HERC6: variants seen among roughly 807,000 people sequenced by gnomAD.
The protein encoded by HERC6 is probable E3 ubiquitin-protein ligase HERC6.
Under a neutral mutation model 114.5 loss-of-function variants are expected in HERC6, and 101 were observed. The observed-to-expected ratio is 0.88, with a 90% CI of 0.75 to 1.04. The LOEUF is 1.04. Among genes scored for constraint, HERC6 ranks in the 50% least tolerant of loss-of-function variants. The probability of loss-of-function intolerance (pLI) is 0.00; values close to 1 mark genes in which losing one functional copy is unlikely to be tolerated. For synonymous variants in HERC6, 408 were observed against 436.2 expected (o/e 0.94, Z 0.81); for missense variants, 1,133 against 1,230.9 (o/e 0.92, Z 1.19).
chr4:88,390,820 C>T lies in HERC6; in HGVS notation c.605C>T (p.Ser202Leu), dbSNP rs769497438. Residue 202 changes from serine (S) to leucine (L), a missense_variant, in exon 4 of 23, where the codon TCG (serine) becomes TTG (leucine). Physicochemically the swap from Ser to Leu is moderately radical, Grantham distance 145. Coordinates refer to ENST00000264346, the MANE Select transcript of HERC6 (RefSeq NM_017912.4). The stretch of plus-strand genomic sequence containing the variant: ...TTTGCCCTGTCTCTCTGTGGGACTT[C>T]GTTTGGCTGGGGAAGTAACAGTGCC... ...HSFALSLCGTSFGWGSNSAGQ... is the reference protein window; with the variant it reads ...HSFALSLCGTLFGWGSNSAGQ... 3.1e-6 allele frequency: 5 copies of T among 1,614,050 alleles called. No individual in the cohort carries two copies. The South Asian group carries it at 5.5e-5, about 18-fold the overall frequency.
chr4:88,421,592 T>G (rs1299923018), intron 13 of HERC6, among the ~76,000 whole-genome samples: 1 of 151,928 alleles, frequency 6.6e-6, no homozygotes, highest in East Asian at 1.9e-4. Context: ...GCATTACAGG[T>G]GTACACCCCA....
intron 17 of HERC6, 104 bp downstream of exon 17, chr4:88,431,409 TTTGC>T: frequency 7.8e-7 from 1 of 1,283,944 alleles, no homozygotes; most frequent in African/African-American, 1.5e-5. Flanking sequence ...CATATAGAGC[TTTGC>T]TACTCATATT....
intron 16 of HERC6, among the ~76,000 whole-genome samples, chr4:88,430,245 A>T (rs1738049005): frequency 6.6e-6 from 1 of 152,180 alleles, no homozygotes; most frequent in Non-Finnish European, 1.5e-5. Flanking sequence ...ACATGGGGGA[A>T]AACCAAGATA....
chr4:88,403,325 T>C (rs1357665782), intron 8 of HERC6, among the ~76,000 whole-genome samples: 1 of 152,170 alleles, frequency 6.6e-6, no homozygotes, highest in Non-Finnish European at 1.5e-5. Flanking sequence ...ACCAGGTGAT[T>C]TGGATGCACA....
intron 15 of HERC6, 79 bp downstream of exon 15, chr4:88,424,781 C>A: frequency 2.5e-6 from 2 of 788,264 alleles, no homozygotes; most frequent in Non-Finnish European, 4.0e-6. Flanking sequence ...AATCCCATCA[C>A]CAAGATTCAG....
intron 7 of HERC6, among the ~76,000 whole-genome samples, 154 bp downstream of exon 7, chr4:88,397,141 T>C (rs1223914560): frequency 6.6e-6 from 1 of 151,998 alleles, no homozygotes. Flanking sequence ...AGATGGAGTT[T>C]CGCTCTTGTT....
At chr4:88,393,435 A>G (rs375751543) in intron 4 of HERC6, 53 bp from the exon 5 acceptor site, 52 of 1,004,100 alleles carry the variant, frequency 5.2e-5, no homozygotes, top group Middle Eastern at 2.1e-4. Flanking sequence ...GTAAATAGTC[A>G]TGAAATCTGA....
At chr4:88,418,011 G>T (rs562453423) in intron 13 of HERC6, among the ~76,000 whole-genome samples, 81 of 151,140 alleles carry the variant, frequency 5.4e-4, no homozygotes, top group Middle Eastern at 3.4e-3. Context: ...CAACAACATG[G>T]ATGAATCTCA....
rs1739159832 is a variant in HERC6 at position 88,439,857 on chromosome 4, T to C, written c.2556-17T>C. On this transcript the variant is annotated splice_polypyrimidine_tract_variant and intron_variant, in intron 20 of 22. Transcript: ENST00000264346. ...TCCTTCCTTTCTTTTTTTTTTTTTT[T>C]TTTTGCTTCCCTCAAGGAGAGACTA... 17 of 1,339,868 alleles carry C rather than the reference T, an allele frequency of 1.3e-5. No homozygotes were observed. Among genetic ancestry groups the C allele is most frequent in the Non-Finnish European group, 1.4e-5 (15 of 1,041,894 alleles). The allele number at this position is 1,339,868 out of a possible 1,614,324, so 83.0% of individuals were successfully genotyped here.
At position 88,379,068 on chromosome 4, in the gene HERC6, C is replaced by G. The variant is rs1338952935; in HGVS notation, c.147C>G (p.Asp49Glu). The G allele has an allele frequency of 1.3e-6, 2 of 1,553,308 alleles. No homozygotes were observed. Among genetic ancestry groups the G allele is most frequent in the African/African-American group, 2.7e-5 (2 of 73,246 alleles). The change falls in exon 1 of 23, where the codon GAC becomes GAG. Residue 49 changes from aspartate (D) to glutamate (E), a missense_variant. Physicochemically the swap from Asp to Glu is conservative, Grantham distance 45 (BLOSUM62 2). This residue lies in a region of HERC6 where 735 missense variants were observed against 754.0 expected (regional missense o/e 0.97). Transcript: ENST00000264346. ...ACCACAGGGTCCTCTCGTGCGGAGA[C>G]AACAGCAGGGGTCAGCTGGGCCGCA... ...LTNHRVLSCG[D>E]NSRGQLGRRG... is the part of the protein sequence containing the mutation.
intron 18 of HERC6, 80 bp downstream of exon 18, chr4:88,435,971 A>G: frequency 7.7e-6 from 8 of 1,043,266 alleles, no homozygotes; most frequent in Non-Finnish European, 1.1e-5. Flanking sequence ...ACACACAGAG[A>G]GACAGATATG....
chr4:88,420,755 G>C (rs994528764), intron 13 of HERC6, among the ~76,000 whole-genome samples: 1 of 152,098 alleles, frequency 6.6e-6, no homozygotes, highest in Non-Finnish European at 1.5e-5. Context: ...AACATAGTGA[G>C]ACCTTGTCTC....
At chr4:88,439,207 G>C (rs1043931442) in intron 20 of HERC6, among the ~76,000 whole-genome samples, 3 of 152,116 alleles carry the variant, frequency 2.0e-5, no homozygotes, top group Non-Finnish European at 4.4e-5. Flanking sequence ...AACGGGGCCA[G>C]AAGTGAAAAT....
chr4:88,442,711 A>G lies in HERC6; in HGVS notation c.*251A>G. ...CTCCCTGGCACTGAAGAGTCTGAAC[A>G]CTGGCCTGTGATTGGTCCATTCCAG... On this transcript the variant is annotated 3_prime_UTR_variant, in exon 23 of 23. Transcript: ENST00000264346. 1.9e-6 allele frequency: 1 copy of G among 524,060 alleles called. No individual in the cohort carries two copies. The highest frequency in any genetic ancestry group is 3.2e-5 in the Admixed American group (1 of 31,388). The allele number at this position is 524,060 out of a possible 1,614,324, so 32.5% of individuals were successfully genotyped here.
At chr4:88,407,875 T>G (rs994562009) in intron 10 of HERC6, among the ~76,000 whole-genome samples, 4 of 152,136 alleles carry the variant, frequency 2.6e-5, no homozygotes, top group Admixed American at 2.6e-4. Flanking sequence ...CGGAATTTAT[T>G]TACAATTGGG....
At chr4:88,426,277 T>G (rs1737601694) in intron 15 of HERC6, among the ~76,000 whole-genome samples, 1 of 151,054 alleles carries the variant, frequency 6.6e-6, no homozygotes, top group Non-Finnish European at 1.5e-5. Context: ...CAAGCGATTC[T>G]TCTGCCTCAG....
intron 3 of HERC6, among the ~76,000 whole-genome samples, chr4:88,387,889 A>G (rs1200099947): frequency 6.6e-6 from 1 of 152,178 alleles, no homozygotes; most frequent in Non-Finnish European, 1.5e-5. Flanking sequence ...TTGCCTTTGC[A>G]TTGGTCTGGA....
chr4:88,430,612 A>AT (rs570313105), intron 16 of HERC6, among the ~76,000 whole-genome samples: 2 of 151,884 alleles, frequency 1.3e-5, no homozygotes, highest in African/African-American at 2.4e-5. Context: ...AAATAAATAA[A>AT]AAGAGGGACT....
At chr4:88,430,204 A>G (rs544323379) in intron 16 of HERC6, among the ~76,000 whole-genome samples, 1 of 152,290 alleles carries the variant, frequency 6.6e-6, no homozygotes, top group South Asian at 2.1e-4. Context: ...AAATTACCCA[A>G]AAAAGGATGT....
Sources: allele counts gnomAD v4.1 joint callset (sites outside exome capture counted in the v4.1 genomes callset), GRCh38; gene constraint gnomAD v4.1.1; regional missense constraint gnomAD v4.1.1; transcripts MANE v1.5; gene names NCBI Gene and HGNC (gene_info 2026-07-23, HGNC 2026-07-21).